Variants in DHX40 observed in about 807,000 individuals in gnomAD.
DHX40 encodes probable ATP-dependent RNA helicase DHX40.
DHX40 carries 28 observed loss-of-function variants against 89.6 expected under a neutral mutation model. The observed-to-expected ratio is 0.31, with a 90% CI of 0.23 to 0.43. DHX40 has a LOEUF of 0.43. Among genes scored for constraint, DHX40 ranks in the 20% least tolerant of loss-of-function variants. The pLI, the probability that DHX40 is intolerant of heterozygous loss-of-function variation, is 1.00. For synonymous variants in DHX40, 226 were observed against 283.6 expected (o/e 0.80, Z 2.04); for missense variants, 457 against 844.0 (o/e 0.54, Z 5.68).
intron 15 of DHX40, chr17:59,604,876 T>C (rs1359229319): frequency 1.8e-5 from 8 of 445,482 alleles, no homozygotes; most frequent in Non-Finnish European, 3.2e-5. Flanking sequence ...ATATTTGTAC[T>C]GATTCCTTAT....
In DHX40 at chr17:59,605,583, T is replaced by C; in HGVS notation, c.2109T>C (p.Asn703=). 6.2e-7 allele frequency: 1 copy of C among 1,614,142 alleles called. No individual in the cohort carries two copies. The highest frequency in any genetic ancestry group is 1.6e-4 in the Middle Eastern group (1 of 6,062). Residue 703 remains asparagine (N), a synonymous_variant, in exon 17 of 18, where the codon AAT becomes AAC. Transcript: ENST00000251241. ...RDLLPKLHEF[N]AHDLSSVARR... ...TGTTACCCAAGTTGCATGAATTTAA[T>C]GCACATGATTTGAGCAGTGTGGCCC...
At chr17:59,595,504 A>G (rs1485544333) in intron 12 of DHX40, among the ~76,000 whole-genome samples, 3 of 148,576 alleles carry the variant, frequency 2.0e-5, no homozygotes, top group East Asian at 2.0e-4. Context: ...TCATGAAAAC[A>G]TAAACTATGT....
At chr17:59,602,229 T>C (rs1434074158) in intron 14 of DHX40, among the ~76,000 whole-genome samples, 1 of 152,224 alleles carries the variant, frequency 6.6e-6, no homozygotes, top group Non-Finnish European at 1.5e-5. Context: ...TGGGCTTTAC[T>C]TCCCTGTACC....
chr17:59,565,911 C>A, intron 1 of DHX40, 128 bp downstream of exon 1: 1 of 806,556 alleles, frequency 1.2e-6, no homozygotes, highest in Non-Finnish European at 1.8e-6. Context: ...TCCTGGCTTT[C>A]CAAGCCCGAG....
Position 59,607,596 on chromosome 17 carries a change from A to G in DHX40, c.*424A>G. The G allele has an allele frequency of 3.0e-6, 1 of 330,008 alleles. No homozygotes were observed. The highest frequency in any genetic ancestry group is 5.6e-6 in the Non-Finnish European group (1 of 177,678). The allele number at this position is 330,008 out of a possible 1,614,324, so 20.4% of individuals were successfully genotyped here. A position where few individuals can be genotyped will look rare whatever the true frequency, so the allele number is the denominator to read the frequency against. On this transcript the variant is annotated 3_prime_UTR_variant, in exon 18 of 18. Transcript: ENST00000251241. ...AAGGCCTTCTTGTTGCTGTTAGAAT[A>G]GTGCTATATATCAGGTATGTGACCA...
intron 12 of DHX40, among the ~76,000 whole-genome samples, chr17:59,594,019 C>G (rs1328573839): frequency 6.6e-6 from 1 of 151,922 alleles, no homozygotes; most frequent in Non-Finnish European, 1.5e-5. Context: ...TAGGAGACTA[C>G]TTTCATGGTT....
At chr17:59,589,430 C>G (rs1410463650) in intron 12 of DHX40, among the ~76,000 whole-genome samples, 1 of 147,842 alleles carries the variant, frequency 6.8e-6, no homozygotes, top group African/African-American at 2.5e-5. Flanking sequence ...ACTGTGTTAG[C>G]CAGGATGGTC....
chr17:59,595,089 T>G (rs538724986), intron 12 of DHX40, among the ~76,000 whole-genome samples: 8,677 of 74,934 alleles, frequency 0.12, 710 homozygotes, highest in African/African-American at 0.41. Context: ...TTGTTTTTTG[T>G]TTTTTTTTTT....
At chr17:59,597,934 C>CAAA (rs776094146) in intron 12 of DHX40, among the ~76,000 whole-genome samples, 1 of 56,774 alleles carries the variant, frequency 1.8e-5, no homozygotes, top group Admixed American at 1.9e-4. Context: ...GACTCCGTCT[C>CAAA]AAAAAAAAAA....
chr17:59,588,341 T>A (rs928403653), intron 12 of DHX40, among the ~76,000 whole-genome samples: 48 of 150,956 alleles, frequency 3.2e-4, no homozygotes, highest in Admixed American at 2.0e-3. Flanking sequence ...CCCCTCAACC[T>A]CCCACAGCAA....
chr17:59,566,277 G>A (rs773127296), intron 1 of DHX40, among the ~76,000 whole-genome samples: 13 of 152,194 alleles, frequency 8.5e-5, no homozygotes, highest in Non-Finnish European at 1.8e-4. Context: ...ATTTTCTGCT[G>A]TGTTCCAGTT....
chr17:59,574,830 A>G (rs1216439156), intron 6 of DHX40, among the ~76,000 whole-genome samples: 1 of 151,976 alleles, frequency 6.6e-6, no homozygotes. Flanking sequence ...AGCATGTGGC[A>G]TTTTTGGAGA....
chr17:59,594,914 A>C (rs969709856), intron 12 of DHX40, among the ~76,000 whole-genome samples: 2 of 151,778 alleles, frequency 1.3e-5, no homozygotes, highest in East Asian at 3.9e-4. Flanking sequence ...CATTTTAATC[A>C]ATCTCCAGAG....
intron 12 of DHX40, among the ~76,000 whole-genome samples, chr17:59,596,107 C>G (rs2030041035): frequency 6.6e-6 from 1 of 151,866 alleles, no homozygotes; most frequent in Non-Finnish European, 1.5e-5. Context: ...TGCATGGTGC[C>G]ATGATTCTAG....
intron 2 of DHX40, among the ~76,000 whole-genome samples, chr17:59,567,009 CATA>C (rs1009987676): frequency 6.6e-6 from 1 of 151,930 alleles, no homozygotes; most frequent in African/African-American, 2.4e-5. Context: ...TTTTAATTAC[CATA>C]ATAATCTCAA....
chr17:59,577,261 T>C lies in DHX40; in HGVS notation c.974-5T>C, dbSNP rs1048082560. The C allele has an allele frequency of 6.2e-7, 1 of 1,610,090 alleles. No homozygotes were observed. Among genetic ancestry groups the C allele is most frequent in the Non-Finnish European group, 8.5e-7 (1 of 1,176,722 alleles). ...ATTGGTATTTTCTTTTTATATATAC[T>C]TCAGATCAACAGAGGAGGATATTTT... On this transcript the variant is annotated splice_region_variant and splice_polypyrimidine_tract_variant and intron_variant, in intron 7 of 17. Coordinates refer to ENST00000251241, the MANE Select transcript of DHX40 (RefSeq NM_024612.5).
chr17:59,587,873 A>ACG (rs1567879386), intron 11 of DHX40, 23 bp from the exon 12 acceptor site: 2 of 1,594,790 alleles, frequency 1.3e-6, no homozygotes, highest in East Asian at 4.5e-5. Context: ...AGAAAGACTT[A>ACG]CAAACTTTTT....
chr17:59,570,148 TATATA>T (rs907322975), intron 2 of DHX40, among the ~76,000 whole-genome samples: 5 of 127,832 alleles, frequency 3.9e-5, no homozygotes, highest in Non-Finnish European at 7.9e-5. Context: ...TATTATAAAT[TATATA>T]ATACATATAA....
intron 6 of DHX40, among the ~76,000 whole-genome samples, chr17:59,575,100 C>T (rs953639746): frequency 1.1e-4 from 16 of 151,858 alleles, no homozygotes; most frequent in South Asian, 6.2e-4. Flanking sequence ...GGGTGAAAAG[C>T]TTGACGATGA....
Sources: gnomAD v4.1 joint callset for allele counts (sites outside exome capture counted in the v4.1 genomes callset) on GRCh38, gnomAD v4.1.1 for gene constraint, MANE v1.5 for transcripts, NCBI Gene and HGNC (gene_info 2026-07-23, HGNC 2026-07-21) for gene names.